Variants in TGFBR3 observed in about 807,000 individuals in gnomAD.
TGFBR3 encodes the protein transforming growth factor beta receptor 3.
TGFBR3 carries 46 observed loss-of-function variants against 87.9 expected under a neutral mutation model. The ratio of observed to expected loss-of-function variants is 0.52; its 90% CI spans 0.41 to 0.67. The LOEUF is 0.67. Among genes scored for constraint, TGFBR3 ranks in the 30% least tolerant of loss-of-function variants. The pLI, the probability that TGFBR3 is intolerant of heterozygous loss-of-function variation, is 0.00. For synonymous variants in TGFBR3, 381 were observed against 391.6 expected (o/e 0.97, Z 0.32); for missense variants, 866 against 1,041.9 (o/e 0.83, Z 2.32).
chr1:91,723,795 T>G (rs1672456946), intron 7 of TGFBR3, among the ~76,000 whole-genome samples: 1 of 152,160 alleles, frequency 6.6e-6, no homozygotes, highest in Admixed American at 6.5e-5. Flanking sequence ...TGTATAAAAA[T>G]CACTTTAATT....
At chr1:91,881,593 G>A (rs1309775516) in intron 1 of TGFBR3, among the ~76,000 whole-genome samples, 1 of 152,118 alleles carries the variant, frequency 6.6e-6, no homozygotes, top group Non-Finnish European at 1.5e-5. Context: ...GCAAAGCATA[G>A]AAGACTAAAT....
intron 2 of TGFBR3, among the ~76,000 whole-genome samples, chr1:91,851,016 A>T (rs11590254): frequency 0.26 from 39,277 of 152,152 alleles, 5,651 homozygotes; most frequent in Non-Finnish European, 0.32. Flanking sequence ...AATTTTATCA[A>T]GACCTTTTCC....
chr1:91,689,390 T>C (rs779202567), intron 16 of TGFBR3, among the ~76,000 whole-genome samples: 4 of 152,182 alleles, frequency 2.6e-5, no homozygotes, highest in Non-Finnish European at 4.4e-5. Flanking sequence ...TCTGAATATA[T>C]GGGAACTCCA....
intron 1 of TGFBR3, among the ~76,000 whole-genome samples, chr1:91,862,394 A>G: frequency 6.6e-6 from 1 of 152,186 alleles, no homozygotes; most frequent in Non-Finnish European, 1.5e-5. Context: ...GCTAGGAATC[A>G]ATCTGAAAAA....
intron 8 of TGFBR3, among the ~76,000 whole-genome samples, chr1:91,720,743 A>G (rs1672341223): frequency 6.6e-6 from 1 of 152,238 alleles, no homozygotes; most frequent in African/African-American, 2.4e-5. Context: ...ACATGATGCA[A>G]TATTATTCCA....
chr1:91,810,629 C>T (rs1425410961), intron 2 of TGFBR3, among the ~76,000 whole-genome samples: 2 of 152,162 alleles, frequency 1.3e-5, no homozygotes, highest in African/African-American at 2.4e-5. Context: ...TGCCAAACAA[C>T]CAAACTCCCA....
intron 3 of TGFBR3, among the ~76,000 whole-genome samples, chr1:91,760,893 C>A (rs1673938354): frequency 6.6e-6 from 1 of 152,204 alleles, no homozygotes; most frequent in Admixed American, 6.5e-5. Context: ...GAGACACACA[C>A]ACACTATGGA....
intron 1 of TGFBR3, among the ~76,000 whole-genome samples, chr1:91,903,593 A>T (rs1021668315): frequency 6.6e-5 from 10 of 151,814 alleles, no homozygotes; most frequent in Admixed American, 1.3e-4. Flanking sequence ...AAAAAAATTT[A>T]AAAATTAGCC....
At chr1:91,713,801 C>A (rs1164493212) in intron 12 of TGFBR3, among the ~76,000 whole-genome samples, 1 of 152,100 alleles carries the variant, frequency 6.6e-6, no homozygotes, top group Non-Finnish European at 1.5e-5. Flanking sequence ...GATATTCTAT[C>A]TTGGAAAGGT....
At chr1:91,810,851 C>T (rs995863717) in intron 2 of TGFBR3, among the ~76,000 whole-genome samples, 1 of 152,132 alleles carries the variant, frequency 6.6e-6, no homozygotes. Context: ...TTATTACCAT[C>T]TCTTCAACTA....
intron 12 of TGFBR3, among the ~76,000 whole-genome samples, chr1:91,715,271 T>G (rs1410992542): frequency 2.0e-5 from 3 of 152,248 alleles, no homozygotes; most frequent in Non-Finnish European, 2.9e-5. Flanking sequence ...TGAACCTGGA[T>G]GTTTGCATTG....
chr1:91,723,405 C>T (rs1304869020), intron 7 of TGFBR3, among the ~76,000 whole-genome samples: 3 of 146,930 alleles, frequency 2.0e-5, no homozygotes, highest in South Asian at 2.2e-4. Flanking sequence ...CACCTGAGCC[C>T]GTGAGTTAGA....
intron 2 of TGFBR3, among the ~76,000 whole-genome samples, chr1:91,829,004 T>C (rs1676749941): frequency 6.6e-6 from 1 of 152,074 alleles, no homozygotes; most frequent in Admixed American, 6.5e-5. Flanking sequence ...AAATCACCAA[T>C]GCCAGCACTC....
intron 4 of TGFBR3, among the ~76,000 whole-genome samples, chr1:91,754,455 CGT>C (rs1221158064): frequency 6.6e-6 from 1 of 152,110 alleles, no homozygotes; most frequent in East Asian, 1.9e-4. Flanking sequence ...AACTTCATCA[CGT>C]GTGTGTGTGA....
At chr1:91,771,912 G>A (rs764413148) in intron 3 of TGFBR3, among the ~76,000 whole-genome samples, 1 of 151,934 alleles carries the variant, frequency 6.6e-6, no homozygotes, top group Non-Finnish European at 1.5e-5. Context: ...ACACATCTGT[G>A]GGCAGCAGGA....
At chr1:91,714,768 G>T (rs989972632) in intron 12 of TGFBR3, among the ~76,000 whole-genome samples, 2 of 152,196 alleles carry the variant, frequency 1.3e-5, no homozygotes, top group Non-Finnish European at 2.9e-5. Context: ...CTGCCCATGT[G>T]AACTGTACAG....
At chr1:91,788,434 G>A (rs1675056340) in intron 3 of TGFBR3, among the ~76,000 whole-genome samples, 1 of 152,184 alleles carries the variant, frequency 6.6e-6, no homozygotes, top group Non-Finnish European at 1.5e-5. Flanking sequence ...AGGCATCAGA[G>A]GGGCCAAGTC....
At chr1:91,686,956 TCA>T (rs1275122091) in intron 16 of TGFBR3, among the ~76,000 whole-genome samples, 1 of 152,216 alleles carries the variant, frequency 6.6e-6, no homozygotes, top group Non-Finnish European at 1.5e-5. Context: ...GGAAATGTAC[TCA>T]GTCTTCCTGC....
intron 3 of TGFBR3, among the ~76,000 whole-genome samples, chr1:91,788,074 G>A (rs1043548945): frequency 6.6e-6 from 1 of 152,216 alleles, no homozygotes; most frequent in Non-Finnish European, 1.5e-5. Context: ...CAGCACTGGA[G>A]GCTTCATAAG....
Sources: gnomAD v4.1 joint callset for allele counts (sites outside exome capture counted in the v4.1 genomes callset) on GRCh38, gnomAD v4.1.1 for gene constraint, MANE v1.5 for transcripts, NCBI Gene and HGNC (gene_info 2026-07-23, HGNC 2026-07-21) for gene names.